The following PLB1 variants were observed in gnomAD, a reference collection of about 807,000 sequenced individuals.
PLB1 encodes phospholipase B1.
PLB1 carries 242 observed loss-of-function variants against 227.4 expected under a neutral mutation model. The observed-to-expected ratio is 1.06, with a 90% confidence interval of 0.96 to 1.18. The LOEUF is 1.18. Among genes scored for constraint, PLB1 ranks in the 50% most tolerant of loss-of-function variants. The pLI is 0.00. For missense variants in PLB1, 1,858 were observed against 1,816.3 expected, an observed-to-expected ratio of 1.02 and a Z score of -0.42; for synonymous variants, 757 against 682.2, an observed-to-expected ratio of 1.11 and a Z score of -1.71.
rs550173197 is a variant in PLB1, at chr2:28,555,043, C to T, written c.1147+2052C>T. Reference sequence around the variant, plus strand: ...CAGCACTCATAGATGAGTGTTGGGCCTGCACTTCTGAGTCTCACCTGGAAA... The same window carrying T: ...CAGCACTCATAGATGAGTGTTGGGCTTGCACTTCTGAGTCTCACCTGGAAA... On this transcript the variant is annotated intron_variant, in intron 17 of 57. Transcript: ENST00000327757. Among the ~76,000 whole-genome samples, 20 of 152,122 alleles carry T rather than the reference C, an allele frequency of 1.3e-4. No homozygotes were observed. In the South Asian group the frequency reaches 4.2e-3, roughly 32 times the overall value.
intron 1 of PLB1, among the ~76,000 whole-genome samples, chr2:28,499,820 G>T (rs946785422): frequency 5.9e-5 from 9 of 152,138 alleles, no homozygotes; most frequent in African/African-American, 2.2e-4. Flanking sequence ...GGGAGGTGGA[G>T]GTTGTAGTAA....
intron 51 of PLB1, among the ~76,000 whole-genome samples, chr2:28,626,840 C>A (rs561284002): frequency 6.6e-6 from 1 of 152,312 alleles, no homozygotes; most frequent in African/African-American, 2.4e-5. Flanking sequence ...CATCCTCACC[C>A]CATCCCTGCC....
At position 28,529,358 on chromosome 2, in the gene PLB1, A is replaced by ATGCC; in HGVS notation, c.370_373dup (p.Val125AlafsTer16). ...CAGATATTTCAGTCCTTCTGTTCCA[A>ATGCC]TGCCTGTGTGCCACACTGGAAAGAG... On this transcript the variant is annotated frameshift_variant, in exon 7 of 58. Coordinates refer to ENST00000327757, the MANE Select transcript of PLB1 (RefSeq NM_153021.5). LOFTEE classifies it high-confidence loss of function. 1 of 1,611,798 alleles carries ATGCC rather than the reference A, an allele frequency of 6.2e-7. No individual in the cohort carries two copies.
At chr2:28,588,630 G>A (rs935481992) in intron 26 of PLB1, among the ~76,000 whole-genome samples, 29 of 152,130 alleles carry the variant, frequency 1.9e-4, no homozygotes, top group African/African-American at 6.0e-4. Context: ...AGTGGGAGCC[G>A]GAACTGGGGT....
At chr2:28,635,493 T>C (rs6729802) in intron 56 of PLB1, among the ~76,000 whole-genome samples, 63,593 of 150,944 alleles carry the variant, frequency 0.42, 13,586 homozygotes, top group African/African-American at 0.52. Flanking sequence ...GACCTGGGCA[T>C]GCCACCACCC....
At chr2:28,606,620 C>T (rs1307489387) in intron 43 of PLB1, 53 bp downstream of exon 43, 27 of 1,527,016 alleles carry the variant, frequency 1.8e-5, no homozygotes, top group South Asian at 3.4e-5. Context: ...GCACACAGCT[C>T]GCCCTACCCA....
In PLB1 at chr2:28,623,969, G is replaced by T. The variant is rs529645879; in HGVS notation, c.3528-1088G>T. Among the ~76,000 whole-genome samples the T allele has an allele frequency of 7.2e-4, 110 of 152,164 alleles. 2 individuals are homozygous for T. Among genetic ancestry groups the T allele is most frequent in the African/African-American group, 2.6e-3 (109 of 41,496 alleles). Reference sequence around the variant, plus strand: ...AAAATTAGCCGGGCATGGTGGCATGGACCTGTAGTCCCAGCTACTCGGAAG... The same window carrying T: ...AAAATTAGCCGGGCATGGTGGCATGTACCTGTAGTCCCAGCTACTCGGAAG... On this transcript the variant is annotated intron_variant, in intron 49 of 57. Transcript: ENST00000327757.
At chr2:28,606,451 G>A (rs1684692867) in intron 42 of PLB1, 45 bp from the exon 43 acceptor site, 1 of 1,577,506 alleles carries the variant, frequency 6.3e-7, no homozygotes, top group Non-Finnish European at 8.7e-7. Context: ...CACTTCCATG[G>A]AAACAAACTA....
At chr2:28,514,473 G>T (rs1668616644) in intron 1 of PLB1, among the ~76,000 whole-genome samples, 1 of 152,040 alleles carries the variant, frequency 6.6e-6, no homozygotes, top group Non-Finnish European at 1.5e-5. Context: ...ATCCACAAAG[G>T]TTTCTACGTC....
At position 28,605,839 on chromosome 2, in the gene PLB1, T is replaced by C. The variant is rs1467823314; in HGVS notation, c.2962-14T>C. 6.3e-7 allele frequency: 1 copy of C among 1,599,228 alleles called. No individual in the cohort carries two copies. The highest frequency in any genetic ancestry group is 1.7e-5 in the Admixed American group (1 of 59,944). ...ACCAATAGGATCTTGAGGGGGTATATTGGTCTCTTTCAGGATGGGCTCCCA... is the reference window on the plus strand; with the variant it reads ...ACCAATAGGATCTTGAGGGGGTATACTGGTCTCTTTCAGGATGGGCTCCCA... On this transcript the variant is annotated splice_polypyrimidine_tract_variant and intron_variant, in intron 41 of 57. Coordinates refer to ENST00000327757, the MANE Select transcript of PLB1 (RefSeq NM_153021.5).
chr2:28,499,499 G>C (rs968853369), intron 1 of PLB1, among the ~76,000 whole-genome samples: 3 of 149,892 alleles, frequency 2.0e-5, no homozygotes, highest in Non-Finnish European at 3.0e-5. Flanking sequence ...TTATCTTACT[G>C]TGCCGGCTGG....
At chr2:28,501,437 T>G (rs1254324348) in intron 1 of PLB1, among the ~76,000 whole-genome samples, 2 of 152,228 alleles carry the variant, frequency 1.3e-5, no homozygotes, top group Non-Finnish European at 2.9e-5. Context: ...TTTTGTTCTT[T>G]CTGTGTAATT....
intron 9 of PLB1, among the ~76,000 whole-genome samples, chr2:28,533,584 A>G (rs993420529): frequency 1.3e-5 from 2 of 152,270 alleles, no homozygotes; most frequent in Non-Finnish European, 2.9e-5. Context: ...GCATTCTTCT[A>G]TGTATTCACT....
chr2:28,596,408 A>G (rs1268939872), intron 33 of PLB1, among the ~76,000 whole-genome samples: 2 of 152,240 alleles, frequency 1.3e-5, no homozygotes, highest in Admixed American at 6.5e-5. Context: ...AGATTTTCAT[A>G]GCCTGTTGGT....
chr2:28,532,442 T>A (rs1168243146), intron 9 of PLB1, among the ~76,000 whole-genome samples: 1 of 152,224 alleles, frequency 6.6e-6, no homozygotes, highest in African/African-American at 2.4e-5. Context: ...TCAATTTTTT[T>A]ATTGTGATAA....
chr2:28,522,823 G>C (rs2148183066), intron 4 of PLB1, among the ~76,000 whole-genome samples: 1 of 152,322 alleles, frequency 6.6e-6, no homozygotes, highest in East Asian at 1.9e-4. Context: ...AAACCTGAAA[G>C]CACAATTCCT....
chr2:28,591,287 A>C lies in PLB1; in HGVS notation c.2127+116A>C, dbSNP rs1681878245. 7.0e-6 allele frequency: 9 copies of C among 1,291,690 alleles called. No homozygotes were observed. In the South Asian group the frequency reaches 1.1e-4, roughly 15 times the overall value. 80.0% of individuals were successfully genotyped at this position (1,291,690 alleles called of 1,614,324 possible). ...CGGGCAAGAGTTCTAGATGGGCATA[A>C]AGGCCACCCACCTGACCTTCAGATG... is the stretch of plus-strand genomic sequence containing the variant. On this transcript the variant is annotated intron_variant, in intron 30 of 57. Coordinates refer to ENST00000327757, the MANE Select transcript of PLB1 (RefSeq NM_153021.5).
intron 8 of PLB1, 149 bp downstream of exon 8, chr2:28,529,928 T>C: frequency 1.6e-6 from 1 of 636,108 alleles, no homozygotes; most frequent in East Asian, 2.8e-5. Context: ...TCTGCCATTC[T>C]CTGGCGGTCA....
At chr2:28,572,419 C>T (rs1678163267) in intron 20 of PLB1, among the ~76,000 whole-genome samples, 1 of 152,116 alleles carries the variant, frequency 6.6e-6, no homozygotes, top group South Asian at 2.1e-4. Context: ...GATACATATC[C>T]AAGGGAAATC....
Sources: gnomAD v4.1 joint callset for allele counts (sites outside exome capture counted in the v4.1 genomes callset) on GRCh38, gnomAD v4.1.1 for gene constraint, MANE v1.5 for transcripts, NCBI Gene and HGNC (gene_info 2026-07-23, HGNC 2026-07-21) for gene names.